SAMD5: variants seen among roughly 807,000 people sequenced by gnomAD.
SAMD5 encodes sterile alpha motif domain-containing protein 5.
SAMD5 carries 13 observed loss-of-function variants against 11.3 expected under a neutral mutation model. The observed-to-expected ratio is 1.15, with a 90% CI of 0.75 to 1.83. The LOEUF is 1.83. Among genes scored for constraint, SAMD5 ranks in the 40% most tolerant of loss-of-function variants. SAMD5 has a pLI of 0.00. For missense variants in SAMD5, 255 were observed against 239.1 expected (o/e 1.07, Z -0.44); for synonymous variants, 129 against 111.3 (o/e 1.16, Z -1.00).
the SAMD5 span, among the ~76,000 whole-genome samples, chr6:147,785,373 A>G: frequency 1.3e-3 from 195 of 152,116 alleles, no homozygotes; most frequent in African/African-American, 4.5e-3. Context: ...ACTGCCCCCA[A>G]TCAGATCCCC....
chr6:147,673,807 A>C (rs1445322248), intron 1 of SAMD5, among the ~76,000 whole-genome samples: 1 of 152,192 alleles, frequency 6.6e-6, no homozygotes, highest in African/African-American at 2.4e-5. Flanking sequence ...GAGCAACATG[A>C]ATGAAAGATG....
At chr6:147,525,983 A>C (rs186982764) in intron 1 of SAMD5, among the ~76,000 whole-genome samples, 1 of 152,250 alleles carries the variant, frequency 6.6e-6, no homozygotes, top group East Asian at 1.9e-4. Context: ...TTATCTTTGG[A>C]TATACCACAG....
the SAMD5 span, among the ~76,000 whole-genome samples, chr6:147,750,657 GC>G: frequency 6.6e-6 from 1 of 152,226 alleles, no homozygotes; most frequent in Non-Finnish European, 1.5e-5. Flanking sequence ...CGGCACAGTG[GC>G]TAACGCCTGT....
At chr6:147,571,615 G>A (rs1351982495), downstream of SAMD5, among the ~76,000 whole-genome samples, 1 of 151,854 alleles carries the variant, frequency 6.6e-6, no homozygotes, top group Admixed American at 6.6e-5. Flanking sequence ...GTGGAATCTC[G>A]TTTGTTTCTT....
chr6:147,858,055 G>A, the SAMD5 span, among the ~76,000 whole-genome samples: 38 of 152,190 alleles, frequency 2.5e-4, no homozygotes, highest in Admixed American at 1.7e-3. Context: ...TGTGGCTGCC[G>A]GCTAATGAAA....
At chr6:147,798,499 A>G in the SAMD5 span, among the ~76,000 whole-genome samples, 2 of 150,044 alleles carry the variant, frequency 1.3e-5, no homozygotes, top group Admixed American at 6.6e-5. Flanking sequence ...TATGTGGTCA[A>G]TTTTGGAATA....
intron 1 of SAMD5, 64 bp from the exon 2 acceptor site, chr6:147,564,330 G>T: frequency 1.3e-6 from 1 of 767,784 alleles, no homozygotes; most frequent in South Asian, 1.4e-5. Context: ...AGAAATCCAT[G>T]ATGGACTAGG....
the SAMD5 span, among the ~76,000 whole-genome samples, chr6:147,898,206 C>T: frequency 6.6e-6 from 1 of 152,038 alleles, no homozygotes; most frequent in Non-Finnish European, 1.5e-5. Context: ...AAATTTACAG[C>T]GTGATATATG....
chr6:147,771,113 G>A, the SAMD5 span, among the ~76,000 whole-genome samples: 1 of 152,028 alleles, frequency 6.6e-6, no homozygotes, highest in Admixed American at 6.6e-5. Context: ...GATAAATCAG[G>A]GCTTCTGAAT....
chr6:147,540,843 C>T lies in SAMD5; in HGVS notation c.460-23551C>T, dbSNP rs114691130. Among the ~76,000 whole-genome samples the T allele has an allele frequency of 3.3e-3, 504 of 151,074 alleles. 4 individuals carry two copies. The highest frequency in any genetic ancestry group is 0.012 in the African/African-American group (479 of 41,132). ...CTTTTTTGCCAGCATACCAGGTTTC[C>T]GGGCTCCCTTTCTCTGCAGCTTCCT... On this transcript the variant is annotated intron_variant, in intron 1 of 1. Coordinates refer to ENST00000367474, the MANE Select transcript of SAMD5 (RefSeq NM_001030060.3).
chr6:147,574,173 C>T (rs1241052346), downstream of SAMD5, among the ~76,000 whole-genome samples: 1 of 150,920 alleles, frequency 6.6e-6, no homozygotes, highest in Admixed American at 6.6e-5. Context: ...AATTACAAAA[C>T]ACAAACATCA....
the SAMD5 span, among the ~76,000 whole-genome samples, chr6:147,936,350 TGCTTCTGGGGAG>T: frequency 1.3e-4 from 19 of 151,624 alleles, no homozygotes; most frequent in Admixed American, 1.3e-3. Context: ...CACTAGCATC[TGCTTCTGGGGAG>T]GCCTCAGGAA....
intron 1 of SAMD5, among the ~76,000 whole-genome samples, chr6:147,603,268 C>T (rs1294021231): frequency 6.6e-6 from 1 of 152,060 alleles, no homozygotes; most frequent in Non-Finnish European, 1.5e-5. Flanking sequence ...ATTTCAGGCC[C>T]ACAGATATAT....
intron 1 of SAMD5, among the ~76,000 whole-genome samples, chr6:147,636,747 T>A (rs1790235757): frequency 6.6e-6 from 1 of 152,104 alleles, no homozygotes; most frequent in Admixed American, 6.5e-5. Context: ...TTATAAAGGG[T>A]CAGCCATGTG....
intron 1 of SAMD5, among the ~76,000 whole-genome samples, chr6:147,586,662 AT>A (rs1163668677): frequency 6.6e-6 from 1 of 151,752 alleles, no homozygotes; most frequent in African/African-American, 2.4e-5. Flanking sequence ...AGTATTAGAT[AT>A]AATAATTTAT....
At chr6:147,795,373 T>C in the SAMD5 span, among the ~76,000 whole-genome samples, 1 of 141,562 alleles carries the variant, frequency 7.1e-6, no homozygotes, top group African/African-American at 2.8e-5. Flanking sequence ...ATTTCATCCA[T>C]GTCCCTACAA....
intron 1 of SAMD5, among the ~76,000 whole-genome samples, chr6:147,641,083 G>A (rs893876186): frequency 6.6e-5 from 10 of 152,152 alleles, no homozygotes; most frequent in Non-Finnish European, 8.8e-5. Flanking sequence ...GGACACTGAT[G>A]GATAGTGATT....
chr6:147,666,055 C>T (rs1349802326), intron 1 of SAMD5, among the ~76,000 whole-genome samples: 1 of 152,162 alleles, frequency 6.6e-6, no homozygotes, highest in Non-Finnish European at 1.5e-5. Flanking sequence ...TCTCCCGCCT[C>T]GGCCTCCCGA....
intron 1 of SAMD5, among the ~76,000 whole-genome samples, chr6:147,714,029 AAAAT>A (rs1791433202): frequency 6.6e-6 from 1 of 152,254 alleles, no homozygotes; most frequent in African/African-American, 2.4e-5. Context: ...ACTTAACAGT[AAAAT>A]AAAACAGCCC....
Sources: allele counts gnomAD v4.1 joint callset (sites outside exome capture counted in the v4.1 genomes callset), GRCh38; gene constraint gnomAD v4.1.1; transcripts MANE v1.5; gene names NCBI Gene and HGNC (gene_info 2026-07-23, HGNC 2026-07-21).